RDH12: variants seen among roughly 807,000 people sequenced by gnomAD.
The protein encoded by RDH12 is all-trans and 9-cis retinol dehydrogenase.
In RDH12, 21 loss-of-function variants were observed where a neutral mutation model predicts 34.0. The ratio of observed to expected loss-of-function variants is 0.62; its 90% CI spans 0.44 to 0.89. RDH12 has a LOEUF of 0.89. Ranked by LOEUF, RDH12 falls within the 40% of genes least tolerant of loss-of-function variation. The pLI, the probability that RDH12 is intolerant of heterozygous loss-of-function variation, is 0.00. For synonymous variants in RDH12, 198 were observed against 169.9 expected (o/e 1.17, Z -1.29); for missense variants, 394 against 398.6 (o/e 0.99, Z 0.10).
In RDH12 at chr14:67,722,625, G is replaced by C; in HGVS notation, c.-18G>C. The C allele has an allele frequency of 6.2e-7, 1 of 1,612,342 alleles. No individual in the cohort carries two copies. Among genetic ancestry groups the C allele is most frequent in the Non-Finnish European group, 8.5e-7 (1 of 1,178,348 alleles). On this transcript the variant is annotated 5_prime_UTR_variant, in exon 3 of 9. Transcript: ENST00000551171. ...TGGAGCAGCAGCAAAAGCAACAGCA[G>C]CTACAGAAGTTGGAACGATGCTGGT...
intron 1 of RDH12, among the ~76,000 whole-genome samples, chr14:67,716,881 CA>C (rs35419842): frequency 0.21 from 17,669 of 85,152 alleles, 928 homozygotes; most frequent in Admixed American, 0.25. Flanking sequence ...GAGTCTCTGT[CA>C]AAAAAAAAAA....
rs1358281615 is a variant in RDH12 at position 67,725,234 on chromosome 14, T to C, written c.323T>C (p.Phe108Ser). 6.2e-7 allele frequency: 1 copy of C among 1,613,516 alleles called. No homozygotes were observed. The highest frequency in any genetic ancestry group is 1.7e-5 in the Admixed American group (1 of 60,022). Residue 108 changes from phenylalanine to serine, a missense_variant, in exon 5 of 9, where the codon TTT (phenylalanine) becomes TCT (serine). Coordinates refer to ENST00000551171, the MANE Select transcript of RDH12 (RefSeq NM_152443.3). ...DLSDTKSIRA[F>S]AEGFLAEEKQ... Reference sequence around the variant, plus strand: ...TCCGACACCAAATCTATCCGAGCCTTTGCTGAGGGCTTTCTGGCAGGTGAG... The same window carrying C: ...TCCGACACCAAATCTATCCGAGCCTCTGCTGAGGGCTTTCTGGCAGGTGAG...
chr14:67,734,014 C>T lies in RDH12; in HGVS notation c.*166C>T. On this transcript the variant is annotated 3_prime_UTR_variant, in exon 9 of 9. Transcript: ENST00000551171. ...TGGGAATGTTTGCACACCTGACACT[C>T]TTGTGAGACTGGCTTATGGCATGAG... The T allele has an allele frequency of 1.7e-6, 1 of 586,678 alleles. No individual in the cohort carries two copies. Among genetic ancestry groups the T allele is most frequent in the Non-Finnish European group, 3.2e-6 (1 of 313,610 alleles). The allele number at this position is 586,678 out of a possible 1,614,324, so 36.3% of individuals were successfully genotyped here.
At position 67,733,925 on chromosome 14, in the gene RDH12, A is replaced by T; in HGVS notation, c.*77A>T. 3 of 1,085,924 alleles carry T rather than the reference A, an allele frequency of 2.8e-6. No homozygotes were observed. Among genetic ancestry groups the T allele is most frequent in the Non-Finnish European group, 4.2e-6 (3 of 712,678 alleles). 67.3% of individuals were successfully genotyped at this position (1,085,924 alleles called of 1,614,324 possible). A position where few individuals can be genotyped will look rare whatever the true frequency, so the allele number is the denominator to read the frequency against. On this transcript the variant is annotated 3_prime_UTR_variant, in exon 9 of 9. Transcript: ENST00000551171. ...GGGACCAAGGAGAAGGCCAACCCTA[A>T]AGGATTGTCCTCTTGGCCAGCTGGT...
chr14:67,729,965 C>T (rs1047211666), intron 8 of RDH12: 6 of 376,012 alleles, frequency 1.6e-5, no homozygotes, highest in South Asian at 8.1e-5. Context: ...TCTGTTGTCC[C>T]GCTTTGTTCA....
At chr14:67,732,059 G>A (rs959433541) in intron 8 of RDH12, among the ~76,000 whole-genome samples, 10 of 150,778 alleles carry the variant, frequency 6.6e-5, no homozygotes, top group Non-Finnish European at 1.3e-4. Flanking sequence ...CCTGGGAGGC[G>A]GAGGCTGCAG....
chr14:67,716,226 A>G (rs2038068948), intron 1 of RDH12, among the ~76,000 whole-genome samples: 1 of 152,046 alleles, frequency 6.6e-6, no homozygotes, highest in African/African-American at 2.4e-5. Context: ...GAAAAAAGAA[A>G]TTGCCTAACT....
Position 67,725,226 on chromosome 14 carries a change from C to G in RDH12, c.315C>G (p.Ile105Met). ...RKLDLSDTKS[I>M]RAFAEGFLAE... ...TGGACCTATCCGACACCAAATCTAT[C>G]CGAGCCTTTGCTGAGGGCTTTCTGG... The change falls in exon 5 of 9, where the codon ATC becomes ATG. Residue 105 changes from isoleucine (I) to methionine (M), a missense_variant. Ile to Met is a conservative substitution (Grantham distance 10). Transcript: ENST00000551171. The G allele has an allele frequency of 6.2e-7, 1 of 1,613,700 alleles. No individual in the cohort carries two copies. Among genetic ancestry groups the G allele is most frequent in the Non-Finnish European group, 8.5e-7 (1 of 1,180,022 alleles).
At chr14:67,711,527 T>C (rs992342530) in intron 1 of RDH12, among the ~76,000 whole-genome samples, 3 of 152,256 alleles carry the variant, frequency 2.0e-5, no homozygotes, top group Non-Finnish European at 4.4e-5. Flanking sequence ...CTTTTCTTTT[T>C]CTTTAAGCCA....
intron 1 of RDH12, among the ~76,000 whole-genome samples, chr14:67,702,614 T>A (rs1024539152): frequency 3.3e-5 from 5 of 152,204 alleles, no homozygotes; most frequent in African/African-American, 9.7e-5. Context: ...TACTAATAAT[T>A]TTAAAGCCAG....
intron 8 of RDH12, chr14:67,729,778 G>C (rs866226124): frequency 4.0e-6 from 2 of 501,924 alleles, no homozygotes; most frequent in Middle Eastern, 3.2e-4. Context: ...CTCTCTCTTC[G>C]GTGTGAACTC....
chr14:67,724,681 C>G (rs2038164742), intron 4 of RDH12, 90 bp downstream of exon 4: 1 of 1,031,494 alleles, frequency 9.7e-7, no homozygotes, highest in African/African-American at 1.6e-5. Context: ...GTGTTTCCTC[C>G]TAGGCTTGGG....
intron 1 of RDH12, among the ~76,000 whole-genome samples, chr14:67,703,161 T>C (rs2037918167): frequency 6.6e-6 from 1 of 152,146 alleles, no homozygotes; most frequent in Admixed American, 6.5e-5. Context: ...GAGATAGTAA[T>C]ACAAACTCAC....
In RDH12 at chr14:67,733,971, T is replaced by G; in HGVS notation, c.*123T>G. On this transcript the variant is annotated 3_prime_UTR_variant, in exon 9 of 9. Transcript: ENST00000551171. ...CTGGTGCTGCGAATCCTGCCTGCTC[T>G]GATCCTCTTGACCCTTCTGGGAATG... The G allele has an allele frequency of 4.3e-6, 3 of 693,244 alleles. No homozygotes were observed. The highest frequency in any genetic ancestry group is 7.8e-6 in the Non-Finnish European group (3 of 383,634). The allele number at this position is 693,244 out of a possible 1,614,324, so 42.9% of individuals were successfully genotyped here.
At chr14:67,728,569 A>T (rs1370785443) in intron 7 of RDH12, among the ~76,000 whole-genome samples, 1 of 152,180 alleles carries the variant, frequency 6.6e-6, no homozygotes, top group Non-Finnish European at 1.5e-5. Flanking sequence ...TTTGTTGTAA[A>T]TGGGTATCAT....
At chr14:67,719,250 A>G (rs71421383) in intron 1 of RDH12, among the ~76,000 whole-genome samples, 2 of 152,218 alleles carry the variant, frequency 1.3e-5, no homozygotes, top group South Asian at 4.1e-4. Context: ...TAGAAAGAAA[A>G]CAATGTCCCT....
Position 67,722,557 on chromosome 14 carries a change from C to T in RDH12, c.-86C>T, listed in dbSNP as rs1404201343. The T allele has an allele frequency of 4.0e-5, 45 of 1,132,546 alleles. No individual in the cohort carries two copies. The highest frequency in any genetic ancestry group is 3.0e-5 in the Non-Finnish European group (22 of 740,846). 70.2% of individuals were successfully genotyped at this position (1,132,546 alleles called of 1,614,324 possible). ...GAGAAGCAGCAGAAGCAGCCAAGAGCTGGAGCCAGACCAGGAACCTGAGCC... is the reference window on the plus strand; with the variant it reads ...GAGAAGCAGCAGAAGCAGCCAAGAGTTGGAGCCAGACCAGGAACCTGAGCC... On this transcript the variant is annotated 5_prime_UTR_variant, in exon 3 of 9. Coordinates refer to ENST00000551171, the MANE Select transcript of RDH12 (RefSeq NM_152443.3).
At chr14:67,703,334 T>G (rs1318804416) in intron 1 of RDH12, among the ~76,000 whole-genome samples, 1 of 152,230 alleles carries the variant, frequency 6.6e-6, no homozygotes, top group Non-Finnish European at 1.5e-5. Flanking sequence ...TTAAAAATCT[T>G]TTATCCTTTT....
intron 1 of RDH12, among the ~76,000 whole-genome samples, chr14:67,704,005 A>G (rs2037927234): frequency 1.3e-5 from 2 of 152,134 alleles, no homozygotes; most frequent in African/African-American, 2.4e-5. Flanking sequence ...TGAGAATCTC[A>G]TTTTTAAAAT....
Sources: gnomAD v4.1 joint callset for allele counts (sites outside exome capture counted in the v4.1 genomes callset) on GRCh38, gnomAD v4.1.1 for gene constraint, MANE v1.5 for transcripts, NCBI Gene and HGNC (gene_info 2026-07-23, HGNC 2026-07-21) for gene names.